CSMD3: variants seen among roughly 807,000 people sequenced by gnomAD.
The protein encoded by CSMD3 is CUB and sushi domain-containing protein 3.
A neutral mutation model predicts 435.2 loss-of-function variants in CSMD3; 177 were observed. That is an observed-to-expected ratio of 0.41 (90% CI 0.36 to 0.46). The LOEUF is 0.46. CSMD3 is among the 20% of genes least tolerant of loss of function. CSMD3 has a pLI of 0.34. For missense variants in CSMD3, 4,265 were observed against 4,504.6 expected, an observed-to-expected ratio of 0.95 and a Z score of 1.52; for synonymous variants, 1,656 against 1,520.5, an observed-to-expected ratio of 1.09 and a Z score of -2.07.
Position 112,978,359 on chromosome 8 carries a change from A to G in CSMD3, c.1031-2211T>C, listed in dbSNP as rs532611516. ...TCGAATTTGAGTCAATAAATCTGAG[A>G]TAATCCTTATGAACAGGCTTAGGGG... On this transcript the variant is annotated intron_variant, in intron 6 of 70. Coordinates refer to ENST00000297405, the MANE Select transcript of CSMD3 (RefSeq NM_198123.2). Among the ~76,000 whole-genome samples the G allele has an allele frequency of 2.2e-4, 33 of 152,042 alleles. No homozygotes were observed. The East Asian group carries it at 6.2e-3, about 29-fold the overall frequency.
intron 3 of CSMD3, among the ~76,000 whole-genome samples, chr8:113,203,853 A>T (rs1358049692): frequency 6.6e-6 from 1 of 152,120 alleles, no homozygotes; most frequent in African/African-American, 2.4e-5. Flanking sequence ...TCACTCTTTA[A>T]CAATGTACTA....
intron 22 of CSMD3, among the ~76,000 whole-genome samples, chr8:112,588,296 A>G (rs555618455): frequency 6.6e-6 from 1 of 151,890 alleles, no homozygotes; most frequent in Non-Finnish European, 1.5e-5. Flanking sequence ...AAATGCTTAA[A>G]CATTAACAAA....
intron 5 of CSMD3, among the ~76,000 whole-genome samples, chr8:113,059,770 A>G (rs551781824): frequency 2.2e-4 from 34 of 152,224 alleles, no homozygotes; most frequent in African/African-American, 8.2e-4. Context: ...GAAGACAGAG[A>G]TTTAGAGAAG....
chr8:113,157,285 C>T (rs930220576), intron 4 of CSMD3, among the ~76,000 whole-genome samples: 1 of 152,112 alleles, frequency 6.6e-6, no homozygotes, highest in Admixed American at 6.6e-5. Context: ...AGAAGAACTG[C>T]TTTGACTATA....
At chr8:113,249,075 T>C (rs1381987074) in intron 3 of CSMD3, among the ~76,000 whole-genome samples, 1 of 152,054 alleles carries the variant, frequency 6.6e-6, no homozygotes, top group Non-Finnish European at 1.5e-5. Context: ...GTTCTCAAGG[T>C]AGTGAATAAG....
intron 70 of CSMD3, among the ~76,000 whole-genome samples, chr8:112,227,978 G>C (rs1256189639): frequency 2.0e-5 from 3 of 152,088 alleles, no homozygotes; most frequent in Non-Finnish European, 4.4e-5. Flanking sequence ...GGAGGCAGAT[G>C]TTACAGTGAG....
intron 5 of CSMD3, among the ~76,000 whole-genome samples, chr8:113,029,883 A>G (rs1402797337): frequency 6.6e-6 from 1 of 151,018 alleles, no homozygotes; most frequent in African/African-American, 2.4e-5. Flanking sequence ...AACCCTAAAG[A>G]CTCCTCCAGA....
chr8:113,176,726 G>A lies in CSMD3; in HGVS notation c.515-2810C>T, dbSNP rs1000169866. On this transcript the variant is annotated intron_variant, in intron 3 of 70. Transcript: ENST00000297405. Reference sequence around the variant, plus strand: ...TGAAAAATGAGAACACATGGACACAGGGAGGGGAACAACAACACTGGGAGG... The same window carrying A: ...TGAAAAATGAGAACACATGGACACAAGGAGGGGAACAACAACACTGGGAGG... 2.6e-5 allele frequency among the ~76,000 whole-genome samples: 4 copies of A among 151,948 alleles called. No individual in the cohort carries two copies. In the South Asian group the frequency reaches 8.3e-4, roughly 32 times the overall value.
At chr8:113,382,355 T>A (rs945761071) in intron 1 of CSMD3, among the ~76,000 whole-genome samples, 2 of 152,190 alleles carry the variant, frequency 1.3e-5, no homozygotes, top group African/African-American at 4.8e-5. Flanking sequence ...TTTACTTAAT[T>A]TGAGTTCACA....
At chr8:112,277,647 C>T (rs1022108212) in intron 59 of CSMD3, among the ~76,000 whole-genome samples, 1 of 152,130 alleles carries the variant, frequency 6.6e-6, no homozygotes. Flanking sequence ...TCTGCTTTCA[C>T]ACTGCTGAAA....
intron 9 of CSMD3, 40 bp from the exon 10 acceptor site, chr8:112,921,791 T>C: frequency 1.3e-6 from 2 of 1,514,078 alleles, no homozygotes; most frequent in Non-Finnish European, 1.8e-6. Flanking sequence ...ATAAGAAAGA[T>C]GCAACATAAT....
chr8:112,581,913 G>A (rs573454471), intron 23 of CSMD3, among the ~76,000 whole-genome samples: 1 of 152,148 alleles, frequency 6.6e-6, no homozygotes, highest in East Asian at 1.9e-4. Flanking sequence ...AGACCTGAAG[G>A]AAATGAGGGA....
intron 38 of CSMD3, among the ~76,000 whole-genome samples, chr8:112,372,750 G>T (rs1828529758): frequency 6.6e-6 from 1 of 151,806 alleles, no homozygotes; most frequent in Admixed American, 6.6e-5. Flanking sequence ...TCAGGAGGCT[G>T]AGGCAGGAGA....
intron 34 of CSMD3, among the ~76,000 whole-genome samples, chr8:112,407,952 A>C (rs1832004523): frequency 6.6e-6 from 1 of 152,046 alleles, no homozygotes; most frequent in African/African-American, 2.4e-5. Context: ...GTACATCAGC[A>C]CCAAAATTTT....
chr8:112,409,245 A>G (rs1259703357), intron 32 of CSMD3, among the ~76,000 whole-genome samples: 6 of 152,120 alleles, frequency 3.9e-5, no homozygotes, highest in Admixed American at 3.3e-4. Context: ...GACCTAAAGC[A>G]ATAAAATATT....
chr8:113,412,059 T>C (rs1260216643), intron 1 of CSMD3, among the ~76,000 whole-genome samples: 1 of 152,090 alleles, frequency 6.6e-6, no homozygotes, highest in Non-Finnish European at 1.5e-5. Flanking sequence ...CACAACAGTG[T>C]CGCTATCATG....
At chr8:113,301,587 T>C (rs957010968) in intron 2 of CSMD3, among the ~76,000 whole-genome samples, 13 of 152,000 alleles carry the variant, frequency 8.6e-5, no homozygotes, top group Non-Finnish European at 1.5e-4. Context: ...CTATATTCTA[T>C]ACATTTTAGT....
intron 1 of CSMD3, among the ~76,000 whole-genome samples, chr8:113,341,060 T>C (rs1588554091): frequency 1.3e-5 from 2 of 152,260 alleles, no homozygotes; most frequent in South Asian, 4.1e-4. Context: ...TTATTTACTT[T>C]TATTTTTTAA....
chr8:112,904,247 T>C (rs117251813), intron 10 of CSMD3, among the ~76,000 whole-genome samples: 16 of 151,522 alleles, frequency 1.1e-4, no homozygotes, highest in Non-Finnish European at 1.8e-4. Flanking sequence ...GATGATATAT[T>C]GTATTCTTGG....
Sources: allele counts gnomAD v4.1 joint callset (sites outside exome capture counted in the v4.1 genomes callset), GRCh38; gene constraint gnomAD v4.1.1; transcripts MANE v1.5; gene names NCBI Gene and HGNC (gene_info 2026-07-23, HGNC 2026-07-21).